GPC5: variants seen among roughly 807,000 people sequenced by gnomAD.
GPC5 encodes the protein glypican 5.
GPC5 carries 47 observed loss-of-function variants against 53.9 expected under a neutral mutation model. The observed-to-expected ratio is 0.87, with a 90% CI of 0.69 to 1.11. The LOEUF (loss-of-function observed/expected upper bound fraction) is 1.11, where lower values mean the gene tolerates loss of function less well. Ranked by LOEUF, GPC5 falls within the 50% of genes most tolerant of loss-of-function variation. The pLI is 0.00. For missense variants in GPC5, 748 were observed against 713.1 expected, an observed-to-expected ratio of 1.05 and a Z score of -0.56; for synonymous variants, 286 against 263.3, an observed-to-expected ratio of 1.09 and a Z score of -0.84.
intron 5 of GPC5, among the ~76,000 whole-genome samples, chr13:91,802,035 A>G (rs200648204): frequency 6.6e-6 from 1 of 151,120 alleles, no homozygotes. Context: ...AGAACTATTT[A>G]TTTGTGTATT....
intron 6 of GPC5, among the ~76,000 whole-genome samples, chr13:92,051,201 T>A (rs946396495): frequency 2.1e-4 from 1 of 4,828 alleles, no homozygotes; most frequent in South Asian, 0.028. Flanking sequence ...ATTTTTTTCT[T>A]TTTTTTTTTT....
At chr13:92,772,567 A>T (rs187869935) in intron 7 of GPC5, among the ~76,000 whole-genome samples, 33 of 152,218 alleles carry the variant, frequency 2.2e-4, no homozygotes, top group Admixed American at 1.8e-3. Flanking sequence ...TATTCTTCCA[A>T]TGTCATTTCT....
intron 5 of GPC5, among the ~76,000 whole-genome samples, chr13:91,801,508 G>A (rs1159666157): frequency 2.6e-5 from 4 of 152,080 alleles, no homozygotes; most frequent in Admixed American, 2.0e-4. Flanking sequence ...CTGTGTCAAA[G>A]AAATACATCT....
intron 7 of GPC5, among the ~76,000 whole-genome samples, chr13:92,167,089 C>T (rs543877839): frequency 2.0e-5 from 3 of 151,890 alleles, no homozygotes; most frequent in South Asian, 4.2e-4. Context: ...AAGGATTTTA[C>T]ATTTTTTTCA....
rs547790139 is a variant in GPC5, at chr13:91,979,079, A to G, written c.1401+71022A>G. On this transcript the variant is annotated intron_variant, in intron 6 of 7. Transcript: ENST00000377067. ...GGAATAGACTTGGGTGAGGGTGGAG[A>G]TTAACAGATTAATTCTAATGCTTTT... 2.0e-5 allele frequency among the ~76,000 whole-genome samples: 3 copies of G among 152,300 alleles called. No homozygotes were observed. In the South Asian group the frequency reaches 6.2e-4, roughly 32 times the overall value.
At chr13:92,850,752 C>G (rs1878768012) in intron 7 of GPC5, among the ~76,000 whole-genome samples, 1 of 152,130 alleles carries the variant, frequency 6.6e-6, no homozygotes, top group Non-Finnish European at 1.5e-5. Flanking sequence ...GTCTGTCTCT[C>G]CCATACATCA....
chr13:91,816,941 G>A (rs1405108957), intron 5 of GPC5, among the ~76,000 whole-genome samples: 2 of 151,934 alleles, frequency 1.3e-5, no homozygotes. Flanking sequence ...AGAGTTAAAG[G>A]GAAAAAAGAT....
At chr13:92,211,096 C>T (rs987581946) in intron 7 of GPC5, among the ~76,000 whole-genome samples, 1 of 151,832 alleles carries the variant, frequency 6.6e-6, no homozygotes, top group African/African-American at 2.4e-5. Context: ...GGGCCTCAGA[C>T]ATGTAATAAA....
chr13:91,818,585 G>A (rs574471094), intron 5 of GPC5, among the ~76,000 whole-genome samples: 1 of 152,156 alleles, frequency 6.6e-6, no homozygotes, highest in Admixed American at 6.5e-5. Context: ...ATAAAATGCT[G>A]GGTCTCATTA....
intron 7 of GPC5, among the ~76,000 whole-genome samples, chr13:92,828,112 G>A (rs1877914871): frequency 6.6e-6 from 1 of 152,028 alleles, no homozygotes; most frequent in African/African-American, 2.4e-5. Context: ...ACCAAAAGAA[G>A]TGCAGCACCA....
chr13:92,081,469 A>G (rs1300165398), intron 6 of GPC5, among the ~76,000 whole-genome samples: 1 of 152,192 alleles, frequency 6.6e-6, no homozygotes, highest in Non-Finnish European at 1.5e-5. Flanking sequence ...ATAATGATGA[A>G]TAAATGGATT....
At chr13:91,767,707 A>G (rs1243041112) in intron 5 of GPC5, among the ~76,000 whole-genome samples, 3 of 152,190 alleles carry the variant, frequency 2.0e-5, no homozygotes, top group Non-Finnish European at 4.4e-5. Context: ...CAGTATGAGG[A>G]TACTATTTTT....
intron 7 of GPC5, among the ~76,000 whole-genome samples, chr13:92,512,249 T>TGTGC (rs3064762): frequency 0.33 from 48,579 of 149,224 alleles, 8,328 homozygotes; most frequent in East Asian, 0.68. Flanking sequence ...TGTGTGTGTG[T>TGTGC]GCGCGCGCGC....
At chr13:92,826,513 G>C (rs1244352770) in intron 7 of GPC5, among the ~76,000 whole-genome samples, 1 of 152,090 alleles carries the variant, frequency 6.6e-6, no homozygotes, top group Non-Finnish European at 1.5e-5. Flanking sequence ...CACACAAACT[G>C]TGAGATAATA....
At chr13:91,912,879 G>A (rs542336461) in intron 6 of GPC5, among the ~76,000 whole-genome samples, 18 of 151,982 alleles carry the variant, frequency 1.2e-4, no homozygotes, top group Admixed American at 7.2e-4. Flanking sequence ...ATATTGCCAC[G>A]TTTTTCTCAA....
chr13:91,439,641 A>G (rs1180523503), intron 1 of GPC5, among the ~76,000 whole-genome samples: 1 of 151,634 alleles, frequency 6.6e-6, no homozygotes. Flanking sequence ...TTTTCTCTTG[A>G]TGGTACTCAT....
At chr13:91,415,770 A>T (rs1202427804) in intron 1 of GPC5, among the ~76,000 whole-genome samples, 1 of 151,922 alleles carries the variant, frequency 6.6e-6, no homozygotes, top group Admixed American at 6.6e-5. Flanking sequence ...GCTTGTAAGG[A>T]GACTATAAAC....
At chr13:91,980,400 A>G (rs1265006024) in intron 6 of GPC5, among the ~76,000 whole-genome samples, 3 of 152,134 alleles carry the variant, frequency 2.0e-5, no homozygotes, top group Non-Finnish European at 4.4e-5. Flanking sequence ...TTAACTTTAC[A>G]ATGCAATGAC....
At chr13:92,331,152 T>G (rs557665077) in intron 7 of GPC5, among the ~76,000 whole-genome samples, 1 of 152,248 alleles carries the variant, frequency 6.6e-6, no homozygotes, top group Non-Finnish European at 1.5e-5. Flanking sequence ...CAGTCTTGAG[T>G]GAAGTCTGAG....
Sources: allele counts gnomAD v4.1 joint callset (sites outside exome capture counted in the v4.1 genomes callset), GRCh38; gene constraint gnomAD v4.1.1; transcripts MANE v1.5; gene names NCBI Gene and HGNC (gene_info 2026-07-23, HGNC 2026-07-21).